The following MYO18B variants were observed in gnomAD, a reference collection of about 807,000 sequenced individuals.
MYO18B encodes the protein myosin XVIIIB.
MYO18B carries 204 observed loss-of-function variants against 273.0 expected under a neutral mutation model. The observed-to-expected ratio is 0.75, with a 90% CI of 0.67 to 0.84. The LOEUF (loss-of-function observed/expected upper bound fraction) is 0.84. MYO18B is among the 40% of genes least tolerant of loss of function. MYO18B has a pLI of 0.00. For missense variants in MYO18B, 3,212 were observed against 3,287.6 expected, an observed-to-expected ratio of 0.98 and a Z score of 0.56; for synonymous variants, 1,330 against 1,305.7, an observed-to-expected ratio of 1.02 and a Z score of -0.40.
At chr22:26,060,588 T>C in the MYO18B span, among the ~76,000 whole-genome samples, 1 of 152,010 alleles carries the variant, frequency 6.6e-6, no homozygotes, top group Non-Finnish European at 1.5e-5. Context: ...CATACACACG[T>C]ATACACACAC....
chr22:25,783,694 C>G (rs2087257931), intron 10 of MYO18B, among the ~76,000 whole-genome samples: 1 of 152,226 alleles, frequency 6.6e-6, no homozygotes, highest in Non-Finnish European at 1.5e-5. Context: ...GACGTTCATT[C>G]CAAGCCAGGC....
At chr22:25,807,977 A>T (rs2088560096) in intron 12 of MYO18B, among the ~76,000 whole-genome samples, 1 of 152,052 alleles carries the variant, frequency 6.6e-6, no homozygotes, top group African/African-American at 2.4e-5. Context: ...TGTAAGTAAG[A>T]GTTAGATTTT....
chr22:25,867,686 G>T (rs1248045733), intron 21 of MYO18B, among the ~76,000 whole-genome samples: 3 of 152,078 alleles, frequency 2.0e-5, no homozygotes, highest in Non-Finnish European at 1.5e-5. Flanking sequence ...CTGGAGTGCA[G>T]TGGTGCAGTC....
At chr22:25,821,794 A>G (rs1300236529) in intron 12 of MYO18B, among the ~76,000 whole-genome samples, 2 of 152,156 alleles carry the variant, frequency 1.3e-5, no homozygotes, top group Non-Finnish European at 2.9e-5. Flanking sequence ...ACAGAACAAA[A>G]CAAAACAAAC....
In MYO18B at chr22:26,026,844, G is replaced by A; in HGVS notation, c.6870G>A (p.Arg2290=). 1 of 1,594,422 alleles carries A rather than the reference G, an allele frequency of 6.3e-7. No individual in the cohort carries two copies. Among genetic ancestry groups the A allele is most frequent in the Non-Finnish European group, 8.5e-7 (1 of 1,170,572 alleles). The change falls in exon 43 of 44, where the codon AGG becomes AGA. Residue 2290 remains arginine (R), a synonymous_variant. Transcript: ENST00000335473. ...AGACGACTGGGGCCTCCACACTAAGGAGGGGCAGGGCTGGCAGTGACGAGG... is the reference window on the plus strand; with the variant it reads ...AGACGACTGGGGCCTCCACACTAAGAAGGGGCAGGGCTGGCAGTGACGAGG... ...IYQTTGASTL[R]RGRAGSDEGN...
chr22:25,958,228 T>C (rs1243978522), intron 39 of MYO18B, among the ~76,000 whole-genome samples: 2 of 152,280 alleles, frequency 1.3e-5, no homozygotes, highest in South Asian at 2.1e-4. Flanking sequence ...CAAACCCTTT[T>C]TCTAAATGAG....
At chr22:26,017,129 C>A (rs1465884069) in intron 42 of MYO18B, among the ~76,000 whole-genome samples, 1 of 144,024 alleles carries the variant, frequency 6.9e-6, no homozygotes, top group Non-Finnish European at 1.5e-5. Flanking sequence ...TCCTTCTTTC[C>A]TCCCTTCCAC....
chr22:25,804,251 C>G (rs1253661763), intron 12 of MYO18B, among the ~76,000 whole-genome samples: 1 of 152,160 alleles, frequency 6.6e-6, no homozygotes, highest in Non-Finnish European at 1.5e-5. Context: ...ACACAAAACC[C>G]AGCCCACACC....
chr22:25,751,614 C>T (rs902625610), intron 1 of MYO18B, among the ~76,000 whole-genome samples: 2 of 152,188 alleles, frequency 1.3e-5, no homozygotes, highest in African/African-American at 4.8e-5. Context: ...GCTGGGGGAC[C>T]TCAGACAAGT....
At chr22:25,905,865 G>C (rs2092032617) in intron 31 of MYO18B, among the ~76,000 whole-genome samples, 1 of 151,810 alleles carries the variant, frequency 6.6e-6, no homozygotes, top group African/African-American at 2.4e-5. Flanking sequence ...GGGCATGGAT[G>C]ACGGTGCAGT....
intron 13 of MYO18B, 72 bp downstream of exon 13, chr22:25,823,750 C>G (rs1308008276): frequency 6.6e-7 from 1 of 1,504,986 alleles, no homozygotes; most frequent in Non-Finnish European, 9.1e-7. Context: ...CACCAGCATT[C>G]TTTAACTTTT....
At chr22:26,001,629 G>A (rs1438414293) in intron 40 of MYO18B, among the ~76,000 whole-genome samples, 1 of 152,256 alleles carries the variant, frequency 6.6e-6, no homozygotes, top group Non-Finnish European at 1.5e-5. Context: ...AGAAAGCCAT[G>A]GGATAGGGAA....
At chr22:25,826,523 C>T (rs767259577) in intron 14 of MYO18B, 24 bp downstream of exon 14, 2 of 1,597,748 alleles carry the variant, frequency 1.3e-6, no homozygotes, top group South Asian at 2.2e-5. Flanking sequence ...TTCCTAGGCA[C>T]ACAGTTGGCC....
chr22:25,984,170 G>T (rs1406706533), intron 39 of MYO18B, among the ~76,000 whole-genome samples: 1 of 152,178 alleles, frequency 6.6e-6, no homozygotes, highest in African/African-American at 2.4e-5. Flanking sequence ...TTTTGTCAAG[G>T]AATAATACAG....
chr22:25,921,197 A>G (rs2092335480), intron 33 of MYO18B, 60 bp from the exon 34 acceptor site: 2 of 1,492,680 alleles, frequency 1.3e-6, no homozygotes, highest in Non-Finnish European at 1.8e-6. Context: ...GATTCCGGAA[A>G]ACTTAGACCC....
chr22:25,840,421 C>T (rs1361517511), intron 17 of MYO18B, among the ~76,000 whole-genome samples: 1 of 152,242 alleles, frequency 6.6e-6, no homozygotes, highest in African/African-American at 2.4e-5. Context: ...GTGACCCCTC[C>T]CTGCCTGCGA....
At chr22:26,029,050 C>T (rs1936508136) in intron 43 of MYO18B, among the ~76,000 whole-genome samples, 1 of 152,164 alleles carries the variant, frequency 6.6e-6, no homozygotes, top group Non-Finnish European at 1.5e-5. Context: ...AGATTAAAGT[C>T]ACTTGTACAG....
Position 25,876,281 on chromosome 22 carries a change from C to T in MYO18B, c.4173C>T (p.Leu1391=). 1 of 1,613,512 alleles carries T rather than the reference C, an allele frequency of 6.2e-7. No homozygotes were observed. Among genetic ancestry groups the T allele is most frequent in the Non-Finnish European group, 8.5e-7 (1 of 1,179,708 alleles). ...DWPWWQLLGS[L]QPLLSATIGT... is the part of the protein sequence containing the mutation. ...CATGGTGGCAGCTGCTTGGTTCCCT[C>T]CAGCCTCTACTTAGTGCCACCATTG... The change falls in exon 24 of 44, where the codon CTC becomes CTT. Residue 1391 remains leucine (L), a synonymous_variant. Coordinates refer to ENST00000335473, the MANE Select transcript of MYO18B (RefSeq NM_032608.7).
intron 25 of MYO18B, among the ~76,000 whole-genome samples, chr22:25,881,816 A>C (rs545833098): frequency 5.9e-5 from 9 of 152,332 alleles, no homozygotes; most frequent in African/African-American, 1.9e-4. Context: ...GCCTTGAAAA[A>C]TTAAGATAAA....
Sources: gnomAD v4.1 joint callset for allele counts (sites outside exome capture counted in the v4.1 genomes callset) on GRCh38, gnomAD v4.1.1 for gene constraint, MANE v1.5 for transcripts, NCBI Gene and HGNC (gene_info 2026-07-23, HGNC 2026-07-21) for gene names.